ZNF600: variants seen among roughly 807,000 people sequenced by gnomAD.
ZNF600 encodes zinc finger protein KR-ZNF1.
ZNF600 carries 4 observed loss-of-function variants against 7.3 expected under a neutral mutation model. That is an observed-to-expected ratio of 0.55 (90% CI 0.27 to 1.25). The LOEUF is 1.25. ZNF600 is among the 50% of genes most tolerant of loss of function. The pLI is 0.12. For missense variants in ZNF600, 911 were observed against 922.1 expected (o/e 0.99, Z 0.16); for synonymous variants, 290 against 308.9 (o/e 0.94, Z 0.64).
intron 3 of ZNF600, among the ~76,000 whole-genome samples, chr19:52,773,627 A>G (rs1031493792): frequency 2.0e-5 from 3 of 152,074 alleles, no homozygotes; most frequent in African/African-American, 7.2e-5. Flanking sequence ...ATCTCAGCTC[A>G]TTAGGAGGAT....
exon 4 of ZNF600, chr19:52,765,823 T>G (rs750957614): frequency 6.2e-7 from 1 of 1,613,476 alleles, no homozygotes; most frequent in Admixed American, 1.7e-5. Flanking sequence ...CTGAAAACTT[T>G]GTCACATGTT....
chr19:52,824,487 T>C, the ZNF600 span, among the ~76,000 whole-genome samples: 24 of 152,124 alleles, frequency 1.6e-4, no homozygotes, highest in Middle Eastern at 3.4e-3. Flanking sequence ...ATACAAAAAT[T>C]AGCGAGGTGT....
At chr19:52,789,351 A>G (rs1389913089), upstream of ZNF600, among the ~76,000 whole-genome samples, 1 of 152,228 alleles carries the variant, frequency 6.6e-6, no homozygotes, top group African/African-American at 2.4e-5. Context: ...TCAGATATCT[A>G]GGGATGAGGT....
chr19:52,808,017 C>G, the ZNF600 span: 5 of 1,613,390 alleles, frequency 3.1e-6, no homozygotes, highest in South Asian at 4.4e-5. Context: ...CCAGGGAGAC[C>G]AGGTTCCTAT....
exon 3 of ZNF600, chr19:52,774,619 T>G (rs948644253): frequency 2.0e-6 from 2 of 985,214 alleles, no homozygotes; most frequent in African/African-American, 3.5e-5. Flanking sequence ...CACTTCCCTG[T>G]ACAAAGCCCT....
chr19:52,777,264 G>C (rs1031358093), intron 2 of ZNF600, among the ~76,000 whole-genome samples: 7 of 151,674 alleles, frequency 4.6e-5, no homozygotes, highest in Admixed American at 6.5e-5. Flanking sequence ...TGTAATCCCA[G>C]ATACTCGGGA....
At chr19:52,784,943 C>T (rs541788268) in intron 1 of ZNF600, among the ~76,000 whole-genome samples, 1 of 152,066 alleles carries the variant, frequency 6.6e-6, no homozygotes, top group South Asian at 2.1e-4. Flanking sequence ...CACTATTTTG[C>T]CCAGGCTGGT....
At chr19:52,810,807 GA>G in the ZNF600 span, 2 of 384,354 alleles carry the variant, frequency 5.2e-6, no homozygotes, top group Non-Finnish European at 9.0e-6. Context: ...GACCTTGATG[GA>G]AAAAAATATA....
At chr19:52,817,202 G>C in the ZNF600 span, among the ~76,000 whole-genome samples, 1 of 151,902 alleles carries the variant, frequency 6.6e-6, no homozygotes, top group African/African-American at 2.4e-5. Context: ...GAGAAACCTC[G>C]TCTCTACTAA....
chr19:52,806,430 G>A, the ZNF600 span, among the ~76,000 whole-genome samples: 1 of 152,010 alleles, frequency 6.6e-6, no homozygotes, highest in Non-Finnish European at 1.5e-5. Context: ...CTGACTTCAG[G>A]TGATATGCCC....
At chr19:52,825,642 C>T in the ZNF600 span, among the ~76,000 whole-genome samples, 2 of 152,066 alleles carry the variant, frequency 1.3e-5, no homozygotes, top group African/African-American at 2.4e-5. Context: ...AGCCTGTTGA[C>T]AGGGTGAGAC....
chr19:52,809,995 C>A, the ZNF600 span: 37 of 764,668 alleles, frequency 4.8e-5, no homozygotes, highest in Admixed American at 7.4e-4. Context: ...GAACTGGAGC[C>A]TGAGGAGCTG....
At chr19:52,816,844 A>AAT in the ZNF600 span, among the ~76,000 whole-genome samples, 1 of 143,510 alleles carries the variant, frequency 7.0e-6, no homozygotes, top group Non-Finnish European at 1.6e-5. Flanking sequence ...AAATAATAAT[A>AAT]ATAATAATAA....
chr19:52,772,231 C>A (rs1436682997), intron 3 of ZNF600, among the ~76,000 whole-genome samples: 1 of 151,942 alleles, frequency 6.6e-6, no homozygotes, highest in Non-Finnish European at 1.5e-5. Flanking sequence ...TCACTTGAAC[C>A]CAGGAAGTGG....
At chr19:52,828,711 C>T in the ZNF600 span, among the ~76,000 whole-genome samples, 1 of 152,066 alleles carries the variant, frequency 6.6e-6, no homozygotes, top group Non-Finnish European at 1.5e-5. Flanking sequence ...GATGCAGGCT[C>T]CCTGGTCTGA....
intron 1 of ZNF600, among the ~76,000 whole-genome samples, chr19:52,779,802 G>C (rs937433125): frequency 1.3e-5 from 2 of 152,074 alleles, no homozygotes; most frequent in African/African-American, 4.8e-5. Flanking sequence ...CCAGCACTGT[G>C]GGATTACACA....
chr19:52,789,187 G>A (rs1397551804), upstream of ZNF600, among the ~76,000 whole-genome samples: 2 of 152,200 alleles, frequency 1.3e-5, no homozygotes, highest in Admixed American at 1.3e-4. Context: ...TTGCAGCTGA[G>A]TGGCCAGAGA....
At chr19:52,829,686 G>C in the ZNF600 span, among the ~76,000 whole-genome samples, 69,326 of 151,592 alleles carry the variant, frequency 0.46, 17,412 homozygotes, top group Non-Finnish European at 0.57. Flanking sequence ...CCATTGTTTT[G>C]TGTTCAGTAG....
At chr19:52,823,447 C>G in the ZNF600 span, among the ~76,000 whole-genome samples, 5 of 152,108 alleles carry the variant, frequency 3.3e-5, no homozygotes, top group African/African-American at 4.8e-5. Flanking sequence ...AATTCCTGAC[C>G]TCAAGTGATC....
Sources: allele counts gnomAD v4.1 joint callset (sites outside exome capture counted in the v4.1 genomes callset), GRCh38; gene constraint gnomAD v4.1.1; transcripts MANE v1.5; gene names NCBI Gene and HGNC (gene_info 2026-07-23, HGNC 2026-07-21).